Variants in CLDN12 observed in about 807,000 individuals in gnomAD.
CLDN12 encodes claudin-12.
A neutral mutation model predicts 15.5 loss-of-function variants in CLDN12; 9 were observed. That is an observed-to-expected ratio of 0.58 (90% CI 0.35 to 1.02). The LOEUF (loss-of-function observed/expected upper bound fraction) is 1.02. Among genes scored for constraint, CLDN12 ranks in the 50% least tolerant of loss-of-function variants. The pLI is 0.02. For synonymous variants in CLDN12, 140 were observed against 121.6 expected, an observed-to-expected ratio of 1.15 and a Z score of -1.00; for missense variants, 233 against 297.3, an observed-to-expected ratio of 0.78 and a Z score of 1.59.
chr7:90,411,633 A>G (rs1014287769), intron 2 of CLDN12, among the ~76,000 whole-genome samples: 10 of 135,650 alleles, frequency 7.4e-5, no homozygotes, highest in African/African-American at 2.8e-4. Context: ...TCAACAAGGA[A>G]GTAATTGGGT....
intron 2 of CLDN12, among the ~76,000 whole-genome samples, chr7:90,408,195 TC>T (rs1796881600): frequency 6.6e-6 from 1 of 152,194 alleles, no homozygotes; most frequent in South Asian, 2.1e-4. Flanking sequence ...ACATATTCTT[TC>T]CCCAAACTAT....
intron 1 of CLDN12, among the ~76,000 whole-genome samples, chr7:90,404,056 G>A (rs1253080614): frequency 1.3e-5 from 2 of 150,688 alleles, no homozygotes. Context: ...GGGCGGAGGG[G>A]GATGCGGATT....
Position 90,413,391 on chromosome 7 carries a change from G to A in CLDN12, c.715G>A (p.Val239Ile). Residue 239 changes from valine (V) to isoleucine (I), a missense_variant, in exon 4 of 4, where the codon GTA becomes ATA. Transcript: ENST00000496677. The part of the protein sequence containing the change: ...RLSAIEIDIP[V>I]VSHTT ...CTCTGCCATTGAAATTGACATTCCA[G>A]TAGTTTCACACACCACTTAATGGGG... 1 of 1,613,682 alleles carries A rather than the reference G, an allele frequency of 6.2e-7. No homozygotes were observed. Among genetic ancestry groups the A allele is most frequent in the Non-Finnish European group, 8.5e-7 (1 of 1,179,684 alleles).
intron 2 of CLDN12, among the ~76,000 whole-genome samples, chr7:90,409,755 C>T (rs1029283244): frequency 1.3e-5 from 2 of 152,108 alleles, no homozygotes; most frequent in Non-Finnish European, 2.9e-5. Context: ...TCACTTGATA[C>T]GTAGTAATTA....
chr7:90,409,765 A>C (rs909955685), intron 2 of CLDN12, among the ~76,000 whole-genome samples: 2 of 152,204 alleles, frequency 1.3e-5, no homozygotes, highest in Non-Finnish European at 2.9e-5. Context: ...CGTAGTAATT[A>C]TACAGTTGAT....
chr7:90,411,852 A>G (rs569574949), intron 2 of CLDN12, 155 bp from the exon 3 acceptor site: 2 of 152,350 alleles, frequency 1.3e-5, no homozygotes, highest in Admixed American at 1.3e-4. Flanking sequence ...TGTGCCAAGC[A>G]GTGAGCTGGG....
At chr7:90,403,973 CAGGTCTGGGTCTACCACACA>C (rs1363904241) in intron 1 of CLDN12, among the ~76,000 whole-genome samples, 3 of 143,730 alleles carry the variant, frequency 2.1e-5, no homozygotes, top group Admixed American at 7.5e-5. Context: ...TTCCTTCTGC[CAGGTCTGGGTCTACCACACA>C]CAGGGCTCTT....
At position 90,413,708 on chromosome 7, in the gene CLDN12, A is replaced by T. The variant is rs1198534959; in HGVS notation, c.*297A>T. 9.0e-7 allele frequency: 1 copy of T among 1,106,692 alleles called. No individual in the cohort carries two copies. The highest frequency in any genetic ancestry group is 1.6e-5 in the African/African-American group (1 of 60,702). The allele number at this position is 1,106,692 out of a possible 1,614,324, so 68.6% of individuals were successfully genotyped here. ...CACAATTGAGGTAATGTAGAGCAACATGTTAAAGAATGATGGTTAGCAGAA... is the reference window on the plus strand; with the variant it reads ...CACAATTGAGGTAATGTAGAGCAACTTGTTAAAGAATGATGGTTAGCAGAA... On this transcript the variant is annotated 3_prime_UTR_variant, in exon 4 of 4. Transcript: ENST00000496677.
At chr7:90,411,452 A>C (rs1051686313) in intron 2 of CLDN12, among the ~76,000 whole-genome samples, 5 of 152,256 alleles carry the variant, frequency 3.3e-5, no homozygotes, top group Admixed American at 2.0e-4. Context: ...ATACAGAAAA[A>C]GAACATGGCC....
Position 90,412,638 on chromosome 7 carries a change from C to T in CLDN12, c.-33-6C>T. ...ATGATTTGTCCTCTTGTGTGTCACC[C>T]CCTAGTCTGACTGACAGTACTCCAC... On this transcript the variant is annotated splice_region_variant and splice_polypyrimidine_tract_variant and intron_variant, in intron 3 of 3. Transcript: ENST00000496677. 2 of 1,585,726 alleles carry T rather than the reference C, an allele frequency of 1.3e-6. No individual in the cohort carries two copies. Among genetic ancestry groups the T allele is most frequent in the South Asian group, 1.2e-5 (1 of 84,756 alleles).
chr7:90,407,949 G>A (rs1041354289), intron 2 of CLDN12, among the ~76,000 whole-genome samples: 1 of 152,188 alleles, frequency 6.6e-6, no homozygotes, highest in Non-Finnish European at 1.5e-5. Flanking sequence ...GAATTTGGTA[G>A]GAATCAGGTG....
At chr7:90,404,035 G>C (rs1280498143) in intron 1 of CLDN12, among the ~76,000 whole-genome samples, 1 of 150,220 alleles carries the variant, frequency 6.7e-6, no homozygotes, top group African/African-American at 2.5e-5. Flanking sequence ...GAGGCGGAGG[G>C]GGGAGGAGGG....
At chr7:90,405,188 A>G (rs1457896088) in intron 1 of CLDN12, among the ~76,000 whole-genome samples, 2 of 152,060 alleles carry the variant, frequency 1.3e-5, no homozygotes, top group African/African-American at 4.8e-5. Context: ...TTAACCTCCC[A>G]CATGGCTGGG....
chr7:90,411,605 G>GA (rs1350656213), intron 2 of CLDN12, among the ~76,000 whole-genome samples: 17 of 151,460 alleles, frequency 1.1e-4, no homozygotes, highest in African/African-American at 4.1e-4. Context: ...AGATTTCCCT[G>GA]AAAATCTACA....
intron 2 of CLDN12, among the ~76,000 whole-genome samples, chr7:90,407,909 G>A (rs17867643): frequency 0.028 from 4,321 of 152,268 alleles, 79 homozygotes; most frequent in African/African-American, 0.045. Context: ...GTAGTGTGTG[G>A]GGTGGGAGAG....
intron 3 of CLDN12, 70 bp downstream of exon 3, chr7:90,412,119 C>G (rs1307612224): frequency 6.6e-6 from 1 of 152,036 alleles, no homozygotes; most frequent in African/African-American, 2.4e-5. Context: ...TGACTCTCAA[C>G]CATTCCCCTG....
In CLDN12 at chr7:90,410,707, G is replaced by C. The variant is rs1347031079; in HGVS notation, c.-76-1300G>C. ...AAAGAAGAAAGGGAATAAGAATTGT[G>C]GGGGTGGAAGGAGGAGGGCTGGTTC... On this transcript the variant is annotated intron_variant, in intron 2 of 3. Transcript: ENST00000496677. Among the ~76,000 whole-genome samples, 8 of 152,146 alleles carry C rather than the reference G, an allele frequency of 5.3e-5. No individual in the cohort carries two copies. The East Asian group carries it at 1.2e-3, about 22-fold the overall frequency.
rs1230381453 is a variant in CLDN12, at chr7:90,413,339, A to G, written c.663A>G (p.Ser221=). 6.2e-7 allele frequency: 1 copy of G among 1,614,156 alleles called. No individual in the cohort carries two copies. The change falls in exon 4 of 4, where the codon TCA becomes TCG. Residue 221 remains serine, a synonymous_variant. Coordinates refer to ENST00000496677, the MANE Select transcript of CLDN12 (RefSeq NM_001185072.3). The part of the protein sequence containing the change: ...YSHPPSMHTY[S]QPYSARSRLS... ...ATCCACCCAGTATGCATACTTACTC[A>G]CAGCCCTATTCAGCACGCTCTCGCC...
intron 2 of CLDN12, among the ~76,000 whole-genome samples, chr7:90,408,701 T>A (rs1041807567): frequency 2.0e-5 from 3 of 152,174 alleles, no homozygotes; most frequent in African/African-American, 7.2e-5. Context: ...GGTATCCTTG[T>A]TGACTCTGTA....
Sources: gnomAD v4.1 joint callset for allele counts (sites outside exome capture counted in the v4.1 genomes callset) on GRCh38, gnomAD v4.1.1 for gene constraint, MANE v1.5 for transcripts, NCBI Gene and HGNC (gene_info 2026-07-23, HGNC 2026-07-21) for gene names.